Variants in GREB1 observed in about 807,000 individuals in gnomAD.
The protein encoded by GREB1 is protein GREB1.
In GREB1, 106 loss-of-function variants were observed where a neutral mutation model predicts 200.7. The observed-to-expected ratio is 0.53, with a 90% CI of 0.45 to 0.62. The LOEUF is 0.62. Among genes scored for constraint, GREB1 ranks in the 20% least tolerant of loss-of-function variants. The pLI is 0.00. For synonymous variants in GREB1, 1,132 were observed against 1,092.4 expected (o/e 1.04, Z -0.72); for missense variants, 2,243 against 2,556.8 (o/e 0.88, Z 2.65).
chr2:11,501,905 GTTTT>G (rs1204074491), intron 1 of GREB1, among the ~76,000 whole-genome samples: 1 of 61,550 alleles, frequency 1.6e-5, no homozygotes, highest in Non-Finnish European at 2.8e-5. Flanking sequence ...GTTTTTTTTT[GTTTT>G]TTTTTTTTTT....
intron 1 of GREB1, among the ~76,000 whole-genome samples, chr2:11,498,575 C>G (rs1261809566): frequency 6.6e-6 from 1 of 152,206 alleles, no homozygotes; most frequent in African/African-American, 2.4e-5. Context: ...TGAGTCAGAA[C>G]TGGGGGGCAG....
chr2:11,626,968 G>C lies in GREB1; in HGVS notation c.4313G>C (p.Gly1438Ala), dbSNP rs1306527762. 1.2e-6 allele frequency: 2 copies of C among 1,614,132 alleles called. No homozygotes were observed. Among genetic ancestry groups the C allele is most frequent in the African/African-American group, 1.3e-5 (1 of 75,038 alleles). ...CCTGGGGAATTTGGTGCAGACAGAG[G>C]GATGTCCCGGAAGCCGGAGGACCTT... The part of the protein sequence containing the change: ...HYQGIKSEDR[G>A]MSRKPEDLYV... The change falls in exon 25 of 33, where the codon GGG becomes GCG. Residue 1438 changes from glycine (G) to alanine (A), a missense_variant. Around this residue, in one of 3 missense-constraint regions of GREB1, gnomAD observed 587 missense variants for 553.1 expected, o/e 1.06. Transcript: ENST00000381486.
chr2:11,554,448 G>T (rs1676237851), intron 1 of GREB1, among the ~76,000 whole-genome samples: 1 of 152,214 alleles, frequency 6.6e-6, no homozygotes, highest in Admixed American at 6.5e-5. Context: ...TTCAGGGCAT[G>T]AAGGATGACA....
intron 1 of GREB1, among the ~76,000 whole-genome samples, chr2:11,518,157 A>C (rs1386257771): frequency 6.6e-6 from 1 of 152,218 alleles, no homozygotes; most frequent in African/African-American, 2.4e-5. Context: ...TATGGTCTGC[A>C]ATGGAGTGGA....
At chr2:11,497,971 CTTTTTTTTTTTTTTTTTTTTTTTTTTT>C (rs70955803) in intron 1 of GREB1, among the ~76,000 whole-genome samples, 1 of 40,600 alleles carries the variant, frequency 2.5e-5, no homozygotes, top group Non-Finnish European at 4.5e-5. Flanking sequence ...CAGAGCAAAA[CTTTTTTTTTTTTTTTTTTTTTTTTTTT>C]TTTTTTTTTT....
In GREB1 at chr2:11,632,335, C is replaced by CTTT. The variant is rs567209224; in HGVS notation, c.4816+241_4816+243dup. Among the ~76,000 whole-genome samples, 729 of 112,206 alleles carry CTTT rather than the reference C, an allele frequency of 6.5e-3. 2 individuals are homozygous for CTTT. Among genetic ancestry groups the CTTT allele is most frequent in the Non-Finnish European group, 8.9e-3 (488 of 54,852 alleles). 73.6% of individuals were successfully genotyped at this position (112,206 alleles called of 152,430 possible). A position where few individuals can be genotyped will look rare whatever the true frequency, so the allele number is the denominator to read the frequency against. On this transcript the variant is annotated intron_variant, in intron 27 of 32. Coordinates refer to ENST00000381486, the MANE Select transcript of GREB1 (RefSeq NM_014668.4). The stretch of plus-strand genomic sequence containing the variant: ...CGATATTTTCTTTCTTTCTTTCTCT[C>CTTT]TTTTTTTTTTTTTTTTTTTTTGAGA...
intron 15 of GREB1, 37 bp downstream of exon 15, chr2:11,598,897 C>G (rs1041158034): frequency 6.4e-6 from 10 of 1,569,612 alleles, no homozygotes; most frequent in Non-Finnish European, 7.0e-6. Context: ...TTGACATTTT[C>G]CTTCTTTGAA....
rs747565712 is a variant in GREB1 at position 11,634,128 on chromosome 2, C to CAGG, written c.4992-2_4992dup. 6.2e-7 allele frequency: 1 copy of CAGG among 1,611,948 alleles called. No individual in the cohort carries two copies. Among genetic ancestry groups the CAGG allele is most frequent in the South Asian group, 1.1e-5 (1 of 91,042 alleles). Reference sequence around the variant, plus strand: ...AGGGACTCACTCTCCCTCCTTGGAGCAGGGAGTTCTCCTGGTCGGAAAGGA... The same window carrying CAGG: ...AGGGACTCACTCTCCCTCCTTGGAGCAGGAGGGAGTTCTCCTGGTCGGAAAGGA... On this transcript the variant is annotated splice_region_variant and splice_polypyrimidine_tract_variant and intron_variant, in intron 28 of 32. Transcript: ENST00000381486.
intron 1 of GREB1, among the ~76,000 whole-genome samples, chr2:11,516,693 GCCC>G (rs1553342148): frequency 6.6e-6 from 1 of 152,094 alleles, no homozygotes; most frequent in Non-Finnish European, 1.5e-5. Context: ...CAAGCTCCCC[GCCC>G]CAATTCCTGA....
chr2:11,521,753 C>G (rs979494889), intron 1 of GREB1, among the ~76,000 whole-genome samples: 1 of 152,174 alleles, frequency 6.6e-6, no homozygotes, highest in Non-Finnish European at 1.5e-5. Flanking sequence ...TTGCAAAATG[C>G]TAATAACGCA....
chr2:11,588,862 G>A lies in GREB1; in HGVS notation c.1276G>A (p.Ala426Thr), dbSNP rs370262420. ...CTCACGGGCATACGAGCAGTACGGC[G>A]CCTCTGCCATCCAGCCCATCTCCGA... Reference protein sequence around the residue: ...SVSRAYEQYGASAIQPISEEM... With the variant: ...SVSRAYEQYGTSAIQPISEEM... Residue 426 changes from alanine (A) to threonine (T), a missense_variant, in exon 10 of 33, where the codon GCC (alanine) becomes ACC (threonine). Physicochemically the swap from Ala to Thr is moderately conservative, Grantham distance 58 (BLOSUM62 0). Coordinates refer to ENST00000381486, the MANE Select transcript of GREB1 (RefSeq NM_014668.4). 78 of 1,613,952 alleles carry A rather than the reference G, an allele frequency of 4.8e-5. No homozygotes were observed. Among genetic ancestry groups the A allele is most frequent in the Admixed American group, 6.7e-5 (4 of 60,008 alleles).
chr2:11,566,347 T>C, intron 3 of GREB1, 133 bp from the exon 4 acceptor site: 1 of 763,470 alleles, frequency 1.3e-6, no homozygotes, highest in Non-Finnish European at 2.0e-6. Flanking sequence ...CTCTCAGGAT[T>C]AATTTTGAGG....
intron 1 of GREB1, among the ~76,000 whole-genome samples, chr2:11,549,427 A>G (rs1675598656): frequency 6.6e-6 from 1 of 152,270 alleles, no homozygotes; most frequent in African/African-American, 2.4e-5. Context: ...TAGGAGCCAC[A>G]TTAATGAAAT....
chr2:11,616,569 T>A, intron 20 of GREB1, 62 bp from the exon 21 acceptor site: 2 of 1,004,960 alleles, frequency 2.0e-6, no homozygotes, highest in South Asian at 1.3e-5. Flanking sequence ...CACTGTGAAG[T>A]GCTGGGCAAA....
chr2:11,489,905 G>A (rs922715463), intron 1 of GREB1, among the ~76,000 whole-genome samples: 4 of 150,756 alleles, frequency 2.7e-5, no homozygotes, highest in Non-Finnish European at 4.4e-5. Context: ...TGTCAGAACC[G>A]TATTATTATA....
intron 23 of GREB1, among the ~76,000 whole-genome samples, chr2:11,621,558 AC>A (rs1684016237): frequency 6.6e-6 from 1 of 152,076 alleles, no homozygotes; most frequent in Non-Finnish European, 1.5e-5. Context: ...CTTTTTGAGC[AC>A]CCCTTTTGTG....
intron 2 of GREB1, chr2:11,561,206 C>G (rs1027767154): frequency 3.3e-5 from 5 of 152,082 alleles, no homozygotes; most frequent in African/African-American, 1.2e-4. Flanking sequence ...TGCTTCTCGG[C>G]CTTTTGGCTA....
At chr2:11,549,497 A>G (rs1675602718) in intron 1 of GREB1, among the ~76,000 whole-genome samples, 1 of 152,240 alleles carries the variant, frequency 6.6e-6, no homozygotes, top group African/African-American at 2.4e-5. Flanking sequence ...TTTGGAAATA[A>G]TATGGTAGGA....
At chr2:11,596,949 C>T (rs963476078) in intron 13 of GREB1, among the ~76,000 whole-genome samples, 2 of 150,688 alleles carry the variant, frequency 1.3e-5, no homozygotes, top group Admixed American at 1.3e-4. Context: ...CGCAGGTGTG[C>T]ACCGTGAGAG....
Sources: allele counts gnomAD v4.1 joint callset (sites outside exome capture counted in the v4.1 genomes callset), GRCh38; gene constraint gnomAD v4.1.1; regional missense constraint gnomAD v4.1.1; transcripts MANE v1.5; gene names NCBI Gene and HGNC (gene_info 2026-07-23, HGNC 2026-07-21).